Variants in APBB2 observed in about 807,000 individuals in gnomAD.
APBB2 encodes the protein Fe65-like 1.
A neutral mutation model predicts 82.5 loss-of-function variants in APBB2; 38 were observed. The observed-to-expected ratio is 0.46, with a 90% CI of 0.36 to 0.60. The LOEUF (loss-of-function observed/expected upper bound fraction) is 0.60. Ranked by LOEUF, APBB2 falls within the 20% of genes least tolerant of loss-of-function variation. The pLI is 0.00. For synonymous variants in APBB2, 341 were observed against 368.2 expected, an observed-to-expected ratio of 0.93 and a Z score of 0.85; for missense variants, 772 against 972.3, an observed-to-expected ratio of 0.79 and a Z score of 2.74.
Position 40,892,203 on chromosome 4 carries a change from G to A in APBB2, c.1401+1062C>T, listed in dbSNP as rs142947235. Among the ~76,000 whole-genome samples the A allele has an allele frequency of 2.0e-3, 299 of 152,208 alleles. 1 individual carries two copies. The highest frequency in any genetic ancestry group is 6.2e-3 in the African/African-American group (258 of 41,530). On this transcript the variant is annotated intron_variant, in intron 11 of 17. Transcript: ENST00000508593. ...TGAGCTCAGGTGATCCACCTGCCTC[G>A]GCCTCCCAAAGTGCTGGGATTACAG...
At chr4:41,159,961 GAGA>G (rs1161043741) in intron 1 of APBB2, among the ~76,000 whole-genome samples, 1,404 of 31,870 alleles carry the variant, frequency 0.044, 69 homozygotes, top group East Asian at 0.057. Context: ...GAAGGAGAAG[GAGA>G]AGAAGAAGAA....
chr4:41,181,316 C>G (rs1245837420), intron 1 of APBB2, among the ~76,000 whole-genome samples: 1 of 152,134 alleles, frequency 6.6e-6, no homozygotes, highest in Non-Finnish European at 1.5e-5. Flanking sequence ...TTTGGGTCTT[C>G]CGCTCCCTTA....
intron 1 of APBB2, among the ~76,000 whole-genome samples, chr4:41,145,127 CAAATAAATT>C (rs1295454168): frequency 6.6e-6 from 1 of 152,104 alleles, no homozygotes; most frequent in African/African-American, 2.4e-5. Flanking sequence ...TTCAAATACA[CAAATAAATT>C]AAATAAATAA....
At chr4:41,057,150 A>G (rs1204873188) in intron 4 of APBB2, among the ~76,000 whole-genome samples, 1 of 152,192 alleles carries the variant, frequency 6.6e-6, no homozygotes, top group Non-Finnish European at 1.5e-5. Context: ...TTAACAAAGC[A>G]TCATCTATAA....
chr4:40,886,571 G>C (rs572302456), intron 12 of APBB2, among the ~76,000 whole-genome samples: 1 of 152,258 alleles, frequency 6.6e-6, no homozygotes, highest in East Asian at 1.9e-4. Flanking sequence ...GCCAGGGTCT[G>C]AGTGAATAAG....
chr4:41,182,417 T>C (rs1771684372), intron 1 of APBB2, among the ~76,000 whole-genome samples: 1 of 152,222 alleles, frequency 6.6e-6, no homozygotes, highest in Non-Finnish European at 1.5e-5. Context: ...TTCAAACACC[T>C]TCTACAAATT....
intron 1 of APBB2, among the ~76,000 whole-genome samples, chr4:41,176,771 A>G (rs1272347288): frequency 6.6e-6 from 1 of 152,210 alleles, no homozygotes; most frequent in Non-Finnish European, 1.5e-5. Context: ...AACACAAGAC[A>G]GCTTATTTCA....
At chr4:41,183,955 G>C (rs1174281787) in intron 1 of APBB2, among the ~76,000 whole-genome samples, 1 of 151,892 alleles carries the variant, frequency 6.6e-6, no homozygotes, top group East Asian at 1.9e-4. Flanking sequence ...TCACAATGTA[G>C]AATCAGTGGG....
At chr4:40,917,572 T>G (rs1295747694) in intron 10 of APBB2, among the ~76,000 whole-genome samples, 1 of 152,194 alleles carries the variant, frequency 6.6e-6, no homozygotes, top group South Asian at 2.1e-4. Flanking sequence ...TGAGAAAATT[T>G]AGACTATCCA....
chr4:40,934,600 T>C lies in APBB2; in HGVS notation c.1193+14A>G. 2 of 1,612,510 alleles carry C rather than the reference T, an allele frequency of 1.2e-6. No individual in the cohort carries two copies. The highest frequency in any genetic ancestry group is 1.7e-5 in the Admixed American group (1 of 60,028). On this transcript the variant is annotated intron_variant, in intron 9 of 17. Coordinates refer to ENST00000508593, the MANE Select transcript of APBB2 (RefSeq NM_004307.2). The stretch of plus-strand genomic sequence containing the variant: ...CCATACATTGACAGCAGGTCGATCC[T>C]ACTAATGTCCTACCTGAGTTTCAAA...
At chr4:40,920,246 C>G (rs2154367726) in intron 10 of APBB2, among the ~76,000 whole-genome samples, 1 of 152,216 alleles carries the variant, frequency 6.6e-6, no homozygotes, top group African/African-American at 2.4e-5. Flanking sequence ...CCCTGCACAC[C>G]CTCTCTCTTT....
At chr4:40,986,007 T>G (rs1420239395) in intron 6 of APBB2, among the ~76,000 whole-genome samples, 1 of 152,172 alleles carries the variant, frequency 6.6e-6, no homozygotes, top group Non-Finnish European at 1.5e-5. Flanking sequence ...AAGAGAAGTT[T>G]TGTAAGGGCT....
At chr4:41,015,849 T>A (rs1809759935) in intron 5 of APBB2, among the ~76,000 whole-genome samples, 1 of 152,178 alleles carries the variant, frequency 6.6e-6, no homozygotes, top group Non-Finnish European at 1.5e-5. Context: ...TGGTTTTTCC[T>A]TTTTCAAAAT....
At chr4:40,819,624 A>G (rs1040090263) in intron 17 of APBB2, among the ~76,000 whole-genome samples, 1 of 152,168 alleles carries the variant, frequency 6.6e-6, no homozygotes, top group Non-Finnish European at 1.5e-5. Context: ...AAAAAATAAA[A>G]TAAAATAAAA....
intron 6 of APBB2, among the ~76,000 whole-genome samples, chr4:40,982,383 G>GGA (rs59263094): frequency 8.1e-4 from 12 of 14,860 alleles, no homozygotes; most frequent in African/African-American, 2.6e-3. Context: ...AGGAAGGAAG[G>GGA]AAGGAAGGAA....
At chr4:40,983,376 C>T (rs1193223548) in intron 6 of APBB2, among the ~76,000 whole-genome samples, 2 of 151,796 alleles carry the variant, frequency 1.3e-5, no homozygotes, top group Admixed American at 6.6e-5. Flanking sequence ...TACTGTTTCT[C>T]GAAAAAAGAA....
At position 40,815,072 on chromosome 4, in the gene APBB2, C is replaced by A. The variant is rs1577620722; in HGVS notation, c.*1020G>T. On this transcript the variant is annotated 3_prime_UTR_variant, in exon 18 of 18. Transcript: ENST00000508593. ...AGCTGGATGCAGAATTCCAGCAGAA[C>A]GTTTACCTCTAGCACATGGACTAGC... 6.6e-6 allele frequency: 1 copy of A among 152,502 alleles called. No individual in the cohort carries two copies. The highest frequency in any genetic ancestry group is 1.5e-5 in the Non-Finnish European group (1 of 68,032). 9.4% of individuals were successfully genotyped at this position (152,502 alleles called of 1,614,324 possible). A position where few individuals can be genotyped will look rare whatever the true frequency, so the allele number is the denominator to read the frequency against.
chr4:41,027,928 C>A (rs2154437896), intron 5 of APBB2, among the ~76,000 whole-genome samples: 1 of 152,348 alleles, frequency 6.6e-6, no homozygotes, highest in East Asian at 1.9e-4. Context: ...GAAGCTCCAA[C>A]ATCAATTCAA....
chr4:40,822,107 T>C (rs1349706372), intron 16 of APBB2, 57 bp from the exon 17 acceptor site: 1 of 1,587,788 alleles, frequency 6.3e-7, no homozygotes, highest in Non-Finnish European at 8.6e-7. Flanking sequence ...AGCTTAAGAG[T>C]GGCAGCACAT....
Sources: gnomAD v4.1 joint callset for allele counts (sites outside exome capture counted in the v4.1 genomes callset) on GRCh38, gnomAD v4.1.1 for gene constraint, MANE v1.5 for transcripts, NCBI Gene and HGNC (gene_info 2026-07-23, HGNC 2026-07-21) for gene names.